PRKG1: variants seen among roughly 807,000 people sequenced by gnomAD.
PRKG1 encodes the protein protein kinase cGMP-dependent 1.
Under a neutral mutation model 88.1 loss-of-function variants are expected in PRKG1, and 35 were observed. The observed-to-expected ratio is 0.40, with a 90% CI of 0.30 to 0.53. The LOEUF (loss-of-function observed/expected upper bound fraction) is 0.53, where lower values mean the gene tolerates loss of function less well. PRKG1 is among the 20% of genes least tolerant of loss of function. PRKG1 has a pLI of 0.59. For missense variants in PRKG1, 540 were observed against 839.8 expected, an observed-to-expected ratio of 0.64 and a Z score of 4.41; for synonymous variants, 303 against 292.5, an observed-to-expected ratio of 1.04 and a Z score of -0.37.
At chr10:51,426,875 A>C (rs1838603264) in intron 2 of PRKG1, among the ~76,000 whole-genome samples, 1 of 152,194 alleles carries the variant, frequency 6.6e-6, no homozygotes, top group African/African-American at 2.4e-5. Flanking sequence ...TAAAGAGGGC[A>C]AGCAGGTGGT....
chr10:52,213,022 T>C (rs1840020378), intron 9 of PRKG1, among the ~76,000 whole-genome samples: 1 of 151,620 alleles, frequency 6.6e-6, no homozygotes, highest in Non-Finnish European at 1.5e-5. Context: ...TACATGAATG[T>C]TTACACACTA....
At chr10:52,159,734 C>T (rs1323647555) in intron 8 of PRKG1, among the ~76,000 whole-genome samples, 7 of 151,486 alleles carry the variant, frequency 4.6e-5, no homozygotes, top group African/African-American at 1.7e-4. Context: ...TTAAAGTGTC[C>T]TTAATTCAAA....
chr10:51,808,490 C>T (rs1302997923), intron 4 of PRKG1, among the ~76,000 whole-genome samples: 1 of 152,066 alleles, frequency 6.6e-6, no homozygotes, highest in Non-Finnish European at 1.5e-5. Flanking sequence ...GTGGTACCAG[C>T]TACTCAGGAG....
At chr10:51,731,905 A>G (rs1842278495) in intron 3 of PRKG1, among the ~76,000 whole-genome samples, 2 of 152,108 alleles carry the variant, frequency 1.3e-5, no homozygotes, top group African/African-American at 4.8e-5. Flanking sequence ...TGGCTTGCAG[A>G]TGGCTGCCCT....
intron 7 of PRKG1, chr10:52,128,225 G>A: frequency 1.0e-6 from 1 of 985,448 alleles, no homozygotes; most frequent in East Asian, 1.1e-4. Flanking sequence ...TTTCCATGAA[G>A]GCTGGCACTG....
chr10:52,109,630 G>A lies in PRKG1; in HGVS notation c.936-24210G>A, dbSNP rs1473893895. ...AAAAATACAAAAATTAGCTGGGAGT[G>A]GTGGCATGTGCCTGTAATCCCAGCT... is the stretch of plus-strand genomic sequence containing the variant. On this transcript the variant is annotated intron_variant, in intron 7 of 17. Transcript: ENST00000373980. 3.9e-5 allele frequency among the ~76,000 whole-genome samples: 6 copies of A among 152,054 alleles called. No homozygotes were observed. In the South Asian group the frequency reaches 1.0e-3, roughly 26 times the overall value.
At chr10:51,566,735 T>C (rs1837615090) in intron 3 of PRKG1, among the ~76,000 whole-genome samples, 1 of 151,870 alleles carries the variant, frequency 6.6e-6, no homozygotes, top group African/African-American at 2.4e-5. Flanking sequence ...TGCGACTGGA[T>C]GGAGGACCCA....
chr10:51,738,120 T>G (rs552410501), intron 3 of PRKG1, among the ~76,000 whole-genome samples: 4 of 152,176 alleles, frequency 2.6e-5, no homozygotes, highest in African/African-American at 9.6e-5. Context: ...ACAGCAAATT[T>G]GGGGGAAATG....
intron 9 of PRKG1, among the ~76,000 whole-genome samples, chr10:52,162,686 A>G (rs1005560133): frequency 1.3e-5 from 2 of 152,170 alleles, no homozygotes; most frequent in Non-Finnish European, 2.9e-5. Flanking sequence ...ATTTTGTAGT[A>G]ACCTAAAAAT....
At chr10:52,010,854 G>A (rs1484619858) in intron 5 of PRKG1, among the ~76,000 whole-genome samples, 1 of 152,206 alleles carries the variant, frequency 6.6e-6, no homozygotes, top group African/African-American at 2.4e-5. Flanking sequence ...GCAATAATGA[G>A]TACTCCAGAA....
At chr10:51,065,212 T>C (rs1483353130) in intron 1 of PRKG1, among the ~76,000 whole-genome samples, 3 of 152,000 alleles carry the variant, frequency 2.0e-5, no homozygotes, top group African/African-American at 7.2e-5. Context: ...GCTGGAACTG[T>C]GGAAGAAACA....
chr10:52,229,413 G>T lies in PRKG1; in HGVS notation c.1077-22157G>T, dbSNP rs1840471043. 3.3e-5 allele frequency among the ~76,000 whole-genome samples: 5 copies of T among 152,172 alleles called. No homozygotes were observed. The South Asian group carries it at 1.0e-3, about 32-fold the overall frequency. ...CTCTGTACCTCTGGAACATGGCCAG[G>T]TCTTTTCCCATTTCCCAATGAACCA... is the stretch of plus-strand genomic sequence containing the variant. On this transcript the variant is annotated intron_variant, in intron 9 of 17. Coordinates refer to ENST00000373980, the MANE Select transcript of PRKG1 (RefSeq NM_006258.4).
chr10:51,307,752 A>G (rs1259821218), intron 2 of PRKG1, among the ~76,000 whole-genome samples: 1 of 152,168 alleles, frequency 6.6e-6, no homozygotes, highest in Non-Finnish European at 1.5e-5. Flanking sequence ...TATATTATTT[A>G]TATTTGTCCA....
intron 5 of PRKG1, among the ~76,000 whole-genome samples, chr10:52,011,230 G>C (rs1373104450): frequency 1.3e-5 from 2 of 152,100 alleles, no homozygotes; most frequent in Non-Finnish European, 2.9e-5. Flanking sequence ...GAACATCCAG[G>C]CTTTATTTTT....
chr10:51,858,857 A>T (rs1840789949), intron 4 of PRKG1, among the ~76,000 whole-genome samples: 1 of 152,130 alleles, frequency 6.6e-6, no homozygotes, highest in Non-Finnish European at 1.5e-5. Context: ...TGAATCGCTA[A>T]TTCTAATGGA....
intron 5 of PRKG1, among the ~76,000 whole-genome samples, chr10:52,048,219 G>A (rs1000228661): frequency 4.6e-5 from 7 of 151,288 alleles, no homozygotes; most frequent in Non-Finnish European, 8.9e-5. Context: ...AAATATAGAG[G>A]AAATAATGAT....
intron 5 of PRKG1, among the ~76,000 whole-genome samples, chr10:51,953,722 T>G (rs116690314): frequency 2.3e-3 from 339 of 149,120 alleles, no homozygotes; most frequent in African/African-American, 8.0e-3. Flanking sequence ...TGCGGTTTTG[T>G]TTTTTTTTTA....
At chr10:51,290,338 C>T (rs1034781140) in intron 2 of PRKG1, among the ~76,000 whole-genome samples, 1 of 152,130 alleles carries the variant, frequency 6.6e-6, no homozygotes, top group African/African-American at 2.4e-5. Flanking sequence ...TGCATAAATG[C>T]TGCATTTTGT....
At chr10:52,163,231 G>C (rs1051496705) in intron 9 of PRKG1, among the ~76,000 whole-genome samples, 2 of 150,234 alleles carry the variant, frequency 1.3e-5, no homozygotes, top group African/African-American at 2.4e-5. Flanking sequence ...GTGTTTGTGT[G>C]TGTGTGTGTG....
Sources: allele counts gnomAD v4.1 joint callset (sites outside exome capture counted in the v4.1 genomes callset), GRCh38; gene constraint gnomAD v4.1.1; transcripts MANE v1.5; gene names NCBI Gene and HGNC (gene_info 2026-07-23, HGNC 2026-07-21).